The following PTPRG variants were observed in gnomAD, a reference collection of about 807,000 sequenced individuals.
PTPRG encodes the protein protein tyrosine phosphatase receptor type G, also known as receptor-type tyrosine-protein phosphatase gamma.
A neutral mutation model predicts 165.3 loss-of-function variants in PTPRG; 102 were observed. That is an observed-to-expected ratio of 0.62 (90% CI 0.53 to 0.73). The LOEUF is 0.73. Among genes scored for constraint, PTPRG ranks in the 30% least tolerant of loss-of-function variants. The probability of loss-of-function intolerance (pLI) is 0.00; values close to 1 mark genes in which losing one functional copy is unlikely to be tolerated. For missense variants in PTPRG, 1,866 were observed against 1,861.4 expected, an observed-to-expected ratio of 1.00 and a Z score of -0.05; for synonymous variants, 675 against 669.5, an observed-to-expected ratio of 1.01 and a Z score of -0.13.
intron 6 of PTPRG, among the ~76,000 whole-genome samples, chr3:62,149,950 A>G (rs1168068642): frequency 6.6e-6 from 1 of 152,068 alleles, no homozygotes; most frequent in Admixed American, 6.6e-5. Flanking sequence ...ATTTCTCTTT[A>G]AACCAGGCAG....
intron 4 of PTPRG, among the ~76,000 whole-genome samples, chr3:62,006,478 T>C (rs1031866766): frequency 2.0e-5 from 3 of 152,186 alleles, no homozygotes; most frequent in South Asian, 4.1e-4. Context: ...TATAACTACA[T>C]TGTTTTCCAT....
intron 2 of PTPRG, among the ~76,000 whole-genome samples, chr3:61,974,081 C>T (rs1317010209): frequency 6.6e-6 from 1 of 152,070 alleles, no homozygotes; most frequent in Non-Finnish European, 1.5e-5. Flanking sequence ...TTTTCATTTC[C>T]AGTAAACAAG....
At chr3:61,712,793 C>T (rs1559569508) in intron 1 of PTPRG, among the ~76,000 whole-genome samples, 1 of 152,166 alleles carries the variant, frequency 6.6e-6, no homozygotes, top group Non-Finnish European at 1.5e-5. Flanking sequence ...TCTTCTTTTG[C>T]TTATGCATAC....
At chr3:61,871,948 G>A (rs1012927935) in intron 2 of PTPRG, among the ~76,000 whole-genome samples, 3 of 152,184 alleles carry the variant, frequency 2.0e-5, no homozygotes, top group African/African-American at 4.8e-5. Flanking sequence ...CCTTCTCCAA[G>A]CCAAGCTCAG....
intron 1 of PTPRG, among the ~76,000 whole-genome samples, chr3:61,674,730 G>A (rs1703164172): frequency 6.6e-6 from 1 of 152,110 alleles, no homozygotes; most frequent in Non-Finnish European, 1.5e-5. Flanking sequence ...TGAGGTAGCT[G>A]GAAAAGTCCT....
At chr3:62,089,715 A>AT (rs1315525856) in intron 5 of PTPRG, among the ~76,000 whole-genome samples, 4 of 151,870 alleles carry the variant, frequency 2.6e-5, no homozygotes, top group African/African-American at 9.7e-5. Context: ...AGCAAATTCT[A>AT]TTTTTCTTGG....
chr3:62,267,664 TTG>T lies in PTPRG; in HGVS notation c.2740-18_2740-17del. ...CTGTGATAACTGCTTTCATCTCACT[TTG>T]TGCTGTGTCATTTTGAAGGGTTACA... On this transcript the variant is annotated intron_variant, in intron 18 of 29. Coordinates refer to ENST00000474889, the MANE Select transcript of PTPRG (RefSeq NM_002841.4). 1 of 1,606,094 alleles carries T rather than the reference TTG, an allele frequency of 6.2e-7. No homozygotes were observed. Among genetic ancestry groups the T allele is most frequent in the Non-Finnish European group, 8.5e-7 (1 of 1,177,114 alleles).
chr3:61,963,342 A>G (rs1049207778), intron 2 of PTPRG, among the ~76,000 whole-genome samples: 3 of 152,284 alleles, frequency 2.0e-5, no homozygotes, highest in African/African-American at 7.2e-5. Flanking sequence ...ACAGATTACC[A>G]GATACCTGGA....
intron 4 of PTPRG, among the ~76,000 whole-genome samples, chr3:62,033,556 A>G (rs1699844050): frequency 8.0e-6 from 1 of 125,348 alleles, no homozygotes; most frequent in South Asian, 2.7e-4. Context: ...CACCAGAGAT[A>G]GGGCCTCCCT....
At chr3:62,095,188 C>CA (rs1702070143) in intron 5 of PTPRG, among the ~76,000 whole-genome samples, 1 of 152,212 alleles carries the variant, frequency 6.6e-6, no homozygotes, top group Non-Finnish European at 1.5e-5. Flanking sequence ...GGTGTACCAT[C>CA]ACCAGTTGTT....
intron 1 of PTPRG, among the ~76,000 whole-genome samples, chr3:61,715,511 G>A (rs189800828): frequency 2.5e-4 from 38 of 152,202 alleles, no homozygotes; most frequent in South Asian, 8.3e-4. Context: ...GAGCCACCGC[G>A]TCTGGCCCTC....
At position 62,273,418 on chromosome 3, in the gene PTPRG, G is replaced by T. The variant is rs763697663; in HGVS notation, c.3319-280G>T. Among the ~76,000 whole-genome samples the T allele has an allele frequency of 6.6e-6, 1 of 152,128 alleles. No individual in the cohort carries two copies. Among genetic ancestry groups the T allele is most frequent in the Non-Finnish European group, 1.5e-5 (1 of 68,022 alleles). On this transcript the variant is annotated intron_variant, in intron 22 of 29. Transcript: ENST00000474889. This position sits in a 1 kb window ranked among gnomAD's most constrained non-coding sequence, Gnocchi z 4.1. ...GGTTCTAAAACCCTTCATTGAACACGATTTTTTGTTTGCTTATTGAGTTGA... is the reference window on the plus strand; with the variant it reads ...GGTTCTAAAACCCTTCATTGAACACTATTTTTTGTTTGCTTATTGAGTTGA...
intron 7 of PTPRG, 40 bp from the exon 8 acceptor site, chr3:62,167,931 G>GTT (rs61078615): frequency 2.4e-3 from 3,365 of 1,410,796 alleles, no homozygotes; most frequent in African/African-American, 3.3e-3. Context: ...TTTTTGTGTT[G>GTT]TTTTTTTTTT....
chr3:62,168,093 C>T lies in PTPRG; in HGVS notation c.963C>T (p.Ala321=), dbSNP rs750527745. 2.7e-5 allele frequency: 43 copies of T among 1,614,050 alleles called. No individual in the cohort carries two copies. In the East Asian group the frequency reaches 4.7e-4, roughly 18 times the overall value. ...ATGACAGGGTGGTGTCCAAGTCCGC[C>T]GTCCGTGACTCCTGGAACCACGACA... ...RLHDRVVSKS[A]VRDSWNHDMT... The change falls in exon 8 of 30, where the codon GCC becomes GCT. Residue 321 remains alanine (A), a synonymous_variant. Coordinates refer to ENST00000474889, the MANE Select transcript of PTPRG (RefSeq NM_002841.4).
chr3:61,858,784 G>T (rs1291021343), intron 2 of PTPRG, among the ~76,000 whole-genome samples: 6 of 152,118 alleles, frequency 3.9e-5, no homozygotes, highest in African/African-American at 1.4e-4. Context: ...TAATTATGAT[G>T]CCTCAGTGTG....
chr3:62,285,451 A>G (rs1702607979), intron 28 of PTPRG, among the ~76,000 whole-genome samples: 1 of 130,504 alleles, frequency 7.7e-6, no homozygotes, highest in Non-Finnish European at 1.5e-5. Context: ...TTTAGTGTGC[A>G]AATGTTGTGA....
At chr3:61,775,800 C>G (rs2034360892) in intron 2 of PTPRG, among the ~76,000 whole-genome samples, 1 of 151,820 alleles carries the variant, frequency 6.6e-6, no homozygotes, top group Non-Finnish European at 1.5e-5. Context: ...AGCCGGAAAC[C>G]ATCATTCTCA....
intron 16 of PTPRG, among the ~76,000 whole-genome samples, chr3:62,257,603 C>T (rs1036015805): frequency 6.6e-6 from 1 of 152,014 alleles, no homozygotes; most frequent in Admixed American, 6.6e-5. Flanking sequence ...GGTTTAAGAC[C>T]AGGGTATCTG....
At chr3:61,864,609 G>C (rs1434096719) in intron 2 of PTPRG, among the ~76,000 whole-genome samples, 1 of 152,162 alleles carries the variant, frequency 6.6e-6, no homozygotes, top group Admixed American at 6.5e-5. Context: ...AACTGAATTT[G>C]TTTCAGCTCT....
Sources: gnomAD v4.1 joint callset for allele counts (sites outside exome capture counted in the v4.1 genomes callset) on GRCh38, gnomAD v4.1.1 for gene constraint, Gnocchi (gnomAD v3.1) non-coding constraint, MANE v1.5 for transcripts, NCBI Gene and HGNC (gene_info 2026-07-23, HGNC 2026-07-21) for gene names.